HDAC4: variants seen among roughly 807,000 people sequenced by gnomAD.
HDAC4 encodes histone deacetylase 4, also known as histone deacetylase A.
A neutral mutation model predicts 135.1 loss-of-function variants in HDAC4; 16 were observed. The ratio of observed to expected loss-of-function variants is 0.12; its 90% CI spans 0.08 to 0.18. The LOEUF is 0.18. Among genes scored for constraint, HDAC4 ranks in the 10% least tolerant of loss-of-function variants. HDAC4 has a pLI of 1.00. For synonymous variants in HDAC4, 685 were observed against 653.4 expected (o/e 1.05, Z -0.74); for missense variants, 1,143 against 1,511.8 (o/e 0.76, Z 4.05).
At chr2:239,289,590 T>TCTGGACC (rs3084829) in intron 2 of HDAC4, among the ~76,000 whole-genome samples, 69,503 of 151,474 alleles carry the variant, frequency 0.46, 15,958 homozygotes, top group Middle Eastern at 0.53. Flanking sequence ...GGTCTTTTCT[T>TCTGGACC]CTGGAAATCC....
At chr2:239,246,461 C>A (rs754660641) in intron 2 of HDAC4, among the ~76,000 whole-genome samples, 1 of 152,230 alleles carries the variant, frequency 6.6e-6, no homozygotes, top group Non-Finnish European at 1.5e-5. Flanking sequence ...ATGGGGCTGT[C>A]CTGTTGCCAC....
intron 17 of HDAC4, chr2:239,094,568 A>C: frequency 9.0e-7 from 1 of 1,110,060 alleles, no homozygotes; most frequent in Non-Finnish European, 1.1e-6. Flanking sequence ...AGCCCTACAG[A>C]CTCCACGTGG....
intron 2 of HDAC4, among the ~76,000 whole-genome samples, chr2:239,339,056 G>A (rs1313149044): frequency 3.3e-4 from 50 of 152,210 alleles, no homozygotes; most frequent in Non-Finnish European, 1.5e-5. Context: ...TACAGAATCT[G>A]GCTTTGAAGA....
At chr2:239,080,680 T>G (rs2035227818) in intron 22 of HDAC4, among the ~76,000 whole-genome samples, 1 of 152,218 alleles carries the variant, frequency 6.6e-6, no homozygotes, top group African/African-American at 2.4e-5. Context: ...TTTTTAGGAA[T>G]AAATAAAGAA....
At chr2:239,294,982 A>G (rs578014964) in intron 2 of HDAC4, among the ~76,000 whole-genome samples, 43 of 152,234 alleles carry the variant, frequency 2.8e-4, no homozygotes, top group Non-Finnish European at 4.7e-4. Context: ...AGTGCTAGGG[A>G]ACAGCTGCTA....
At position 239,049,932 on chromosome 2, in the gene HDAC4, C is replaced by G. The variant is rs2030577697; in HGVS notation, c.*3165G>C. On this transcript the variant is annotated 3_prime_UTR_variant, in exon 27 of 27. Coordinates refer to ENST00000543185, the MANE Select transcript of HDAC4 (RefSeq NM_001378414.1). Reference sequence around the variant, plus strand: ...CCCTCAAAGGGATATAAAGTGCTCGCTTGCTGACTCCCAGCCAGTGCCCCC... The same window carrying G: ...CCCTCAAAGGGATATAAAGTGCTCGGTTGCTGACTCCCAGCCAGTGCCCCC... The G allele has an allele frequency of 6.5e-6, 1 of 152,672 alleles. No homozygotes were observed. The highest frequency in any genetic ancestry group is 2.4e-5 in the African/African-American group (1 of 41,470). 9.5% of individuals were successfully genotyped at this position (152,672 alleles called of 1,614,324 possible).
chr2:239,265,545 G>A (rs1432761591), intron 2 of HDAC4, among the ~76,000 whole-genome samples: 1 of 152,034 alleles, frequency 6.6e-6, no homozygotes, highest in Admixed American at 6.5e-5. Context: ...GGGGAGGTGC[G>A]GTGGGGCGGG....
intron 3 of HDAC4, among the ~76,000 whole-genome samples, chr2:239,201,830 G>T (rs1343913591): frequency 6.6e-6 from 1 of 151,880 alleles, no homozygotes; most frequent in East Asian, 2.0e-4. Flanking sequence ...CTGTCTTTTT[G>T]TTTTTGTTTT....
intron 3 of HDAC4, among the ~76,000 whole-genome samples, chr2:239,211,725 A>G (rs1158947828): frequency 1.3e-5 from 2 of 152,196 alleles, no homozygotes; most frequent in African/African-American, 4.8e-5. Context: ...CTTTGCTTTC[A>G]CTGAGCTGTC....
chr2:239,170,490 A>G (rs1392541758), intron 5 of HDAC4, among the ~76,000 whole-genome samples: 1 of 152,244 alleles, frequency 6.6e-6, no homozygotes, highest in East Asian at 1.9e-4. Context: ...AAATTATATG[A>G]AGGCAAATCA....
intron 11 of HDAC4, among the ~76,000 whole-genome samples, chr2:239,127,788 A>G (rs2040297822): frequency 6.6e-6 from 1 of 152,190 alleles, no homozygotes; most frequent in Non-Finnish European, 1.5e-5. Flanking sequence ...CGGGACCTCC[A>G]GGGATACCAA....
intron 3 of HDAC4, among the ~76,000 whole-genome samples, chr2:239,235,597 AT>A (rs1279222849): frequency 4.6e-5 from 7 of 152,232 alleles, no homozygotes; most frequent in African/African-American, 1.7e-4. Context: ...TTCAGGTTTT[AT>A]TCTCGGAGAG....
At chr2:239,291,007 G>A (rs916523633) in intron 2 of HDAC4, among the ~76,000 whole-genome samples, 5 of 152,234 alleles carry the variant, frequency 3.3e-5, no homozygotes, top group Non-Finnish European at 7.3e-5. Context: ...CAAGAAAACC[G>A]AGGACAAAAG....
Position 239,374,386 on chromosome 2 carries a change from CTTTTTTTTTTTTTTTTTTTTTTT to C in HDAC4, c.-219-21491_-219-21469del, listed in dbSNP as rs755538495. Among the ~76,000 whole-genome samples, 68 of 56,710 alleles carry C rather than the reference CTTTTTTTTTTTTTTTTTTTTTTT, an allele frequency of 1.2e-3. 1 individual carries two copies. The highest frequency in any genetic ancestry group is 5.0e-3 in the African/African-American group (64 of 12,804). 37.2% of individuals were successfully genotyped at this position (56,710 alleles called of 152,430 possible). On this transcript the variant is annotated intron_variant, in intron 1 of 26. Coordinates refer to ENST00000543185, the MANE Select transcript of HDAC4 (RefSeq NM_001378414.1). ...CACCCCAGATGAATAGAAAACAAGGCTTTTTTTTTTTTTTTTTTTTTTTTTTTTTTTTTTTGAGACGGAGTCTC... is the reference window on the plus strand; with the variant it reads ...CACCCCAGATGAATAGAAAACAAGGCTTTTTTTTTTTTGAGACGGAGTCTC...
intron 3 of HDAC4, among the ~76,000 whole-genome samples, chr2:239,207,318 T>G (rs572637165): frequency 4.6e-5 from 7 of 152,196 alleles, no homozygotes; most frequent in Non-Finnish European, 8.8e-5. Flanking sequence ...ACGAGATATA[T>G]CTTTAAGAAA....
rs2033747537 is a variant in HDAC4 at position 239,068,027 on chromosome 2, GC to G, written c.2869+461del. On this transcript the variant is annotated intron_variant, in intron 23 of 26. Transcript: ENST00000543185. This position sits in a 1 kb window ranked among gnomAD's most constrained non-coding sequence, Gnocchi z 4.4. ...TCCCTCCTCCCATCCTGACAGCATG[GC>G]CCCTAACGCTGATCCTGAGAGGACA... Among the ~76,000 whole-genome samples, 1 of 152,216 alleles carries G rather than the reference GC, an allele frequency of 6.6e-6. No individual in the cohort carries two copies. The highest frequency in any genetic ancestry group is 2.1e-4 in the South Asian group (1 of 4,830).
At chr2:239,095,543 C>G (rs2036938434) in intron 16 of HDAC4, among the ~76,000 whole-genome samples, 2 of 152,158 alleles carry the variant, frequency 1.3e-5, no homozygotes, top group South Asian at 4.1e-4. Flanking sequence ...CTCTTAGACC[C>G]TGAGATCCTC....
At chr2:239,058,819 T>C (rs2032252374) in intron 24 of HDAC4, among the ~76,000 whole-genome samples, 1 of 152,224 alleles carries the variant, frequency 6.6e-6, no homozygotes, top group Non-Finnish European at 1.5e-5. Context: ...CAGACAATCG[T>C]CGGTCAGGAA....
intron 19 of HDAC4, 113 bp downstream of exon 19, chr2:239,087,446 G>A (rs375121614): frequency 2.0e-6 from 2 of 1,023,552 alleles, no homozygotes; most frequent in Non-Finnish European, 1.5e-6. Context: ...CATCCTGGGT[G>A]GCCAGCAAAC....
Sources: gnomAD v4.1 joint callset for allele counts (sites outside exome capture counted in the v4.1 genomes callset) on GRCh38, gnomAD v4.1.1 for gene constraint, Gnocchi (gnomAD v3.1) non-coding constraint, MANE v1.5 for transcripts, NCBI Gene and HGNC (gene_info 2026-07-23, HGNC 2026-07-21) for gene names.